Variants in OSBPL10 observed in about 807,000 individuals in gnomAD.
OSBPL10 encodes the protein oxysterol-binding protein-related protein 10.
Under a neutral mutation model 81.7 loss-of-function variants are expected in OSBPL10, and 49 were observed. The ratio of observed to expected loss-of-function variants is 0.60; its 90% CI spans 0.48 to 0.76. The LOEUF (loss-of-function observed/expected upper bound fraction) is 0.76. OSBPL10 is among the 30% of genes least tolerant of loss of function. OSBPL10 has a pLI of 0.00. For synonymous variants in OSBPL10, 419 were observed against 383.6 expected, an observed-to-expected ratio of 1.09 and a Z score of -1.08; for missense variants, 923 against 987.8, an observed-to-expected ratio of 0.93 and a Z score of 0.88.
rs869077578 is a variant in OSBPL10 at position 31,905,368 on chromosome 3, T to TTTTTTTA, written c.282-25539_282-25538insTAAAAAA. 6.6e-4 allele frequency among the ~76,000 whole-genome samples: 98 copies of TTTTTTTA among 148,280 alleles called. 3 individuals are homozygous for TTTTTTTA. Among genetic ancestry groups the TTTTTTTA allele is most frequent in the African/African-American group, 2.2e-3 (89 of 39,646 alleles). On this transcript the variant is annotated intron_variant, in intron 1 of 11. Transcript: ENST00000396556. ...TGATTTTTTTTTTTTTTTTTTTTTT[T>TTTTTTTA]AGACGGACTCCCGTTCTGTCACCCA...
At chr3:31,839,843 C>G (rs1479139566) in intron 3 of OSBPL10, among the ~76,000 whole-genome samples, 6 of 130,434 alleles carry the variant, frequency 4.6e-5, no homozygotes, top group African/African-American at 1.6e-4. Flanking sequence ...AGCCAGATGC[C>G]TGGTACCACC....
At chr3:31,931,920 T>C (rs1437895724) in intron 1 of OSBPL10, among the ~76,000 whole-genome samples, 3 of 152,116 alleles carry the variant, frequency 2.0e-5, no homozygotes, top group Non-Finnish European at 4.4e-5. Flanking sequence ...TGTGTGCCTA[T>C]GGTCCCAGCT....
At chr3:31,982,974 A>G (rs1012174186), upstream of OSBPL10, among the ~76,000 whole-genome samples, 1 of 152,216 alleles carries the variant, frequency 6.6e-6, no homozygotes, top group African/African-American at 2.4e-5. Context: ...ATATGGTTCC[A>G]CCATCTTTCT....
intron 1 of OSBPL10, among the ~76,000 whole-genome samples, chr3:31,882,315 T>C (rs963386397): frequency 6.6e-6 from 1 of 152,202 alleles, no homozygotes; most frequent in Non-Finnish European, 1.5e-5. Flanking sequence ...TAACGGTATT[T>C]CTGGTTCTCA....
chr3:31,953,907 G>A (rs1304064522), intron 1 of OSBPL10, among the ~76,000 whole-genome samples: 2 of 152,210 alleles, frequency 1.3e-5, no homozygotes, highest in Non-Finnish European at 1.5e-5. Flanking sequence ...GGGGCAAGAG[G>A]CAACAGAATG....
chr3:31,783,788 TTAAAAAAAAA>T lies in OSBPL10; in HGVS notation c.730-35678_730-35669del, dbSNP rs1323408373. Among the ~76,000 whole-genome samples, 43 of 18,874 alleles carry T rather than the reference TTAAAAAAAAA, an allele frequency of 2.3e-3. 3 individuals carry two copies. The highest frequency in any genetic ancestry group is 7.4e-3 in the Admixed American group (7 of 942). The allele number at this position is 18,874 out of a possible 152,430, so 12.4% of individuals were successfully genotyped here. ...ACTGGGTGACAGAGCAAGACTCCGA[TTAAAAAAAAA>T]AAAAAAAAAAAAAAAAAAAAAAAAA... On this transcript the variant is annotated intron_variant, in intron 4 of 11. Coordinates refer to ENST00000396556, the MANE Select transcript of OSBPL10 (RefSeq NM_017784.5).
intron 4 of OSBPL10, among the ~76,000 whole-genome samples, chr3:31,809,486 T>C (rs913458820): frequency 3.9e-5 from 6 of 152,206 alleles, no homozygotes; most frequent in East Asian, 1.9e-4. Context: ...CATTCAGATG[T>C]CAGTCCTTAA....
At chr3:31,788,840 T>C (rs1698930204) in intron 4 of OSBPL10, among the ~76,000 whole-genome samples, 1 of 152,054 alleles carries the variant, frequency 6.6e-6, no homozygotes, top group Non-Finnish European at 1.5e-5. Flanking sequence ...TATATAGACA[T>C]TGTAGGAAAT....
In OSBPL10 at chr3:31,771,324, C is replaced by T. The variant is rs532491831; in HGVS notation, c.730-23204G>A. Among the ~76,000 whole-genome samples the T allele has an allele frequency of 4.6e-5, 7 of 152,206 alleles. No individual in the cohort carries two copies. The South Asian group carries it at 6.2e-4, about 14-fold the overall frequency. On this transcript the variant is annotated intron_variant, in intron 4 of 11. Coordinates refer to ENST00000396556, the MANE Select transcript of OSBPL10 (RefSeq NM_017784.5). ...CTAACTAACAGCTGAACAGGCAGGC[C>T]TCCATGACAACTGTTTCAGCACTAA...
At chr3:31,750,579 A>G (rs1697681554) in intron 4 of OSBPL10, among the ~76,000 whole-genome samples, 1 of 152,234 alleles carries the variant, frequency 6.6e-6, no homozygotes, top group Admixed American at 6.5e-5. Context: ...ACGTCTATGT[A>G]TTCTCTGACA....
intron 6 of OSBPL10, chr3:31,707,260 T>C (rs1308150761): frequency 6.6e-6 from 1 of 152,196 alleles, no homozygotes; most frequent in Non-Finnish European, 1.5e-5. Flanking sequence ...TAGCACGGAT[T>C]AAGACGACCT....
chr3:31,783,116 TATATATATATATATATATATATATA>T (rs1296690978), intron 4 of OSBPL10, among the ~76,000 whole-genome samples: 10 of 16,640 alleles, frequency 6.0e-4, no homozygotes, highest in Admixed American at 3.4e-3. Flanking sequence ...ATCTATTATA[TATATATATATATATATATATATATA>T]TATATACACA....
intron 2 of OSBPL10, chr3:31,991,202 G>A: frequency 1.9e-6 from 1 of 536,544 alleles, no homozygotes; most frequent in Non-Finnish European, 3.3e-6. Context: ...TCCCAGCACT[G>A]TGGGAGGTCA....
At chr3:31,948,251 T>C (rs1305938253) in intron 1 of OSBPL10, among the ~76,000 whole-genome samples, 5 of 152,162 alleles carry the variant, frequency 3.3e-5, no homozygotes, top group Admixed American at 3.3e-4. Flanking sequence ...CAGAACAATA[T>C]ACATGCAGGG....
chr3:31,815,612 C>T (rs1027638868), intron 4 of OSBPL10, among the ~76,000 whole-genome samples: 2 of 152,086 alleles, frequency 1.3e-5, no homozygotes, highest in African/African-American at 4.8e-5. Flanking sequence ...TGGGAATGAC[C>T]AAAGTGCCCT....
intron 1 of OSBPL10, among the ~76,000 whole-genome samples, chr3:31,925,853 G>T: frequency 6.6e-6 from 1 of 152,014 alleles, no homozygotes; most frequent in East Asian, 1.9e-4. Flanking sequence ...GCCGGGACAA[G>T]AAGAATATCC....
At chr3:31,687,604 C>T (rs1261044197) in intron 7 of OSBPL10, among the ~76,000 whole-genome samples, 2 of 151,878 alleles carry the variant, frequency 1.3e-5, no homozygotes, top group African/African-American at 4.9e-5. Context: ...GCCTGGGCCA[C>T]CCAGTGGCCG....
chr3:31,965,413 ATTAT>A (rs1327239804), intron 1 of OSBPL10, among the ~76,000 whole-genome samples: 16 of 114,076 alleles, frequency 1.4e-4, no homozygotes, highest in African/African-American at 5.5e-4. Flanking sequence ...TAAAATATAT[ATTAT>A]ATATAATAGA....
At chr3:31,852,286 C>T (rs561517682) in intron 3 of OSBPL10, among the ~76,000 whole-genome samples, 3 of 152,268 alleles carry the variant, frequency 2.0e-5, no homozygotes, top group Admixed American at 2.0e-4. Context: ...AGTCTGTCAA[C>T]CGGCAGTCGG....
Sources: gnomAD v4.1 joint callset for allele counts (sites outside exome capture counted in the v4.1 genomes callset) on GRCh38, gnomAD v4.1.1 for gene constraint, MANE v1.5 for transcripts, NCBI Gene and HGNC (gene_info 2026-07-23, HGNC 2026-07-21) for gene names.